Variants in CPSF4L observed in about 807,000 individuals in gnomAD.
The protein encoded by CPSF4L is cleavage and polyadenylation specific factor 4 like.
Under a neutral mutation model 24.0 loss-of-function variants are expected in CPSF4L, and 18 were observed. The ratio of observed to expected loss-of-function variants is 0.75; its 90% CI spans 0.52 to 1.11. CPSF4L has a LOEUF of 1.11. Ranked by LOEUF, CPSF4L falls within the 50% of genes least tolerant of loss-of-function variation. The pLI is 0.00. For missense variants in CPSF4L, 211 were observed against 221.8 expected (o/e 0.95, Z 0.31); for synonymous variants, 72 against 77.2 (o/e 0.93, Z 0.35).
At chr17:73,242,829 A>T in the CPSF4L span, 1 of 1,294,544 alleles carries the variant, frequency 7.7e-7, no homozygotes, top group Non-Finnish European at 1.1e-6. Context: ...GGAAAACTTG[A>T]ATGACTCGCG....
downstream of CPSF4L, chr17:73,247,426 A>C: frequency 7.4e-7 from 1 of 1,356,094 alleles, no homozygotes; most frequent in Non-Finnish European, 1.1e-6. Context: ...GCCCTGTAAC[A>C]CCTAAGTGTA....
downstream of CPSF4L, chr17:73,245,841 G>A: frequency 2.0e-6 from 1 of 511,760 alleles, no homozygotes; most frequent in Non-Finnish European, 2.5e-6. Flanking sequence ...TAATGAACCG[G>A]TGGCTAATGT....
At chr17:73,261,890 G>A, upstream of CPSF4L, 1 of 1,165,526 alleles carries the variant, frequency 8.6e-7, no homozygotes, top group Admixed American at 2.0e-5. Flanking sequence ...CTCATCAGAG[G>A]CCCTTAAGGG....
chr17:73,256,502 G>A (rs1419265369), intron 3 of CPSF4L, among the ~76,000 whole-genome samples: 1 of 152,236 alleles, frequency 6.6e-6, no homozygotes, highest in Non-Finnish European at 1.5e-5. Flanking sequence ...AGCCTCCTGA[G>A]TCAGGGGCAT....
intron 3 of CPSF4L, among the ~76,000 whole-genome samples, chr17:73,257,018 C>T (rs527666442): frequency 1.2e-4 from 18 of 152,170 alleles, no homozygotes; most frequent in South Asian, 2.1e-4. Context: ...CAGAGCAAGA[C>T]GCTGTCTCAA....
At chr17:73,260,848 A>C (rs1325618229) in intron 2 of CPSF4L, 85 bp downstream of exon 2, 3 of 1,125,174 alleles carry the variant, frequency 2.7e-6, no homozygotes, top group Non-Finnish European at 3.9e-6. Flanking sequence ...ACCCTATCCC[A>C]GGCCAGGCAG....
intron 5 of CPSF4L, chr17:73,250,078 G>A: frequency 1.8e-6 from 1 of 541,240 alleles, no homozygotes; most frequent in Non-Finnish European, 3.1e-6. Context: ...ATTTTTAGTA[G>A]CTCGTTCACT....
At chr17:73,261,442 A>G (rs1408588798) in intron 1 of CPSF4L, among the ~76,000 whole-genome samples, 3 of 152,092 alleles carry the variant, frequency 2.0e-5, no homozygotes, top group East Asian at 3.9e-4. Flanking sequence ...CGGGCGGATC[A>G]CGAGGTCAGG....
intron 5 of CPSF4L, chr17:73,251,199 T>G (rs1486434533): frequency 1.5e-6 from 2 of 1,332,928 alleles, no homozygotes; most frequent in Non-Finnish European, 2.0e-6. Context: ...GCCATGCATT[T>G]AGGGTGAAAC....
At chr17:73,246,875 C>T (rs1223235745), downstream of CPSF4L, among the ~76,000 whole-genome samples, 16 of 152,144 alleles carry the variant, frequency 1.1e-4, 1 homozygote, top group East Asian at 2.9e-3. Context: ...GAGCTTTGTG[C>T]CCATTCTCTG....
intron 2 of CPSF4L, among the ~76,000 whole-genome samples, chr17:73,258,800 A>G (rs558429394): frequency 4.6e-5 from 7 of 152,288 alleles, no homozygotes; most frequent in Non-Finnish European, 8.8e-5. Context: ...CAGAATCCCC[A>G]CACCCAGCCC....
At chr17:73,248,584 A>G (rs1285702776) in intron 5 of CPSF4L, 48 bp from the exon 6 acceptor site, 2 of 1,535,354 alleles carry the variant, frequency 1.3e-6, no homozygotes, top group Admixed American at 2.0e-5. Context: ...CACGTAATCC[A>G]TATTCACCTT....
intron 2 of CPSF4L, among the ~76,000 whole-genome samples, 188 bp downstream of exon 2, chr17:73,260,745 C>T (rs1030526481): frequency 6.6e-6 from 1 of 152,134 alleles, no homozygotes; most frequent in African/African-American, 2.4e-5. Flanking sequence ...CTAGCCTGGG[C>T]AACAGAGCGA....
At chr17:73,253,866 C>G in intron 4 of CPSF4L, 65 bp downstream of exon 4, 1 of 1,107,692 alleles carries the variant, frequency 9.0e-7, no homozygotes. Context: ...ATGGCCCCTC[C>G]CCTGCTGAGA....
intron 3 of CPSF4L, among the ~76,000 whole-genome samples, chr17:73,255,373 G>C (rs945158134): frequency 6.6e-6 from 1 of 151,976 alleles, no homozygotes; most frequent in African/African-American, 2.4e-5. Flanking sequence ...CAGGTATGGT[G>C]GCACGTGCCT....
At chr17:73,257,933 C>T in intron 2 of CPSF4L, 100 bp from the exon 3 acceptor site, 1 of 1,289,264 alleles carries the variant, frequency 7.8e-7, no homozygotes, top group Non-Finnish European at 1.1e-6. Flanking sequence ...TGACTCAGTC[C>T]CCAGCGGCTG....
chr17:73,249,211 A>G (rs2061991323), intron 5 of CPSF4L, among the ~76,000 whole-genome samples: 1 of 152,202 alleles, frequency 6.6e-6, no homozygotes. Context: ...CATACTATAT[A>G]TAAATTCCAA....
chr17:73,258,954 T>A (rs551840657), intron 2 of CPSF4L, among the ~76,000 whole-genome samples: 1 of 152,354 alleles, frequency 6.6e-6, no homozygotes, highest in African/African-American at 2.4e-5. Context: ...GAATATTCCA[T>A]GGAAATGTTA....
chr17:73,242,270 CAT>C, the CPSF4L span: 7 of 1,602,862 alleles, frequency 4.4e-6, no homozygotes, highest in East Asian at 2.2e-5. Context: ...AAGCTCAACT[CAT>C]ATAAGGAGTT....
Sources: allele counts gnomAD v4.1 joint callset (sites outside exome capture counted in the v4.1 genomes callset), GRCh38; gene constraint gnomAD v4.1.1; transcripts MANE v1.5; gene names NCBI Gene and HGNC (gene_info 2026-07-23, HGNC 2026-07-21).